FAM185A: variants seen among roughly 807,000 people sequenced by gnomAD.
FAM185A encodes protein FAM185A.
A neutral mutation model predicts 45.7 loss-of-function variants in FAM185A; 21 were observed. That is an observed-to-expected ratio of 0.46 (90% confidence interval 0.33 to 0.66). The LOEUF (loss-of-function observed/expected upper bound fraction) is 0.66. FAM185A is among the 30% of genes least tolerant of loss of function. FAM185A has a pLI of 0.03. For synonymous variants in FAM185A, 117 were observed against 194.0 expected (o/e 0.60, Z 3.30); for missense variants, 305 against 485.4 (o/e 0.63, Z 3.49).
chr7:102,834,032 TGAAGGAAGGAAG>T, the FAM185A span, among the ~76,000 whole-genome samples: 402 of 75,460 alleles, frequency 5.3e-3, 7 homozygotes, highest in African/African-American at 0.02. Flanking sequence ...GAAACCATGA[TGAAGGAAGGAAG>T]GAAGGAAGGA....
In FAM185A at chr7:102,808,273, G is replaced by A. The variant is rs1280446536; in HGVS notation, c.1067-17G>A. On this transcript the variant is annotated splice_polypyrimidine_tract_variant and intron_variant, in intron 7 of 7. Coordinates refer to ENST00000413034, the MANE Select transcript of FAM185A (RefSeq NM_001145268.2). ...ATTAATGCTCTTGATATAATTTTAT[G>A]CAATTTTGTGTTTTAGGACTCATGA... is the stretch of plus-strand genomic sequence containing the variant. 6 of 1,499,388 alleles carry A rather than the reference G, an allele frequency of 4.0e-6. No homozygotes were observed. The highest frequency in any genetic ancestry group is 4.9e-5 in the East Asian group (2 of 40,624). 92.9% of individuals were successfully genotyped at this position (1,499,388 alleles called of 1,614,324 possible).
chr7:102,798,979 G>A (rs10271003), intron 7 of FAM185A, among the ~76,000 whole-genome samples: 3,124 of 152,248 alleles, frequency 0.021, 113 homozygotes, highest in African/African-American at 0.071. Flanking sequence ...AACTCCTGAC[G>A]TCAGGTGATC....
chr7:102,757,338 G>C (rs1793811527), intron 2 of FAM185A, among the ~76,000 whole-genome samples: 1 of 152,192 alleles, frequency 6.6e-6, no homozygotes, highest in African/African-American at 2.4e-5. Flanking sequence ...CCCTGATAAA[G>C]TGATTTACCT....
At chr7:102,841,250 T>G in the FAM185A span, among the ~76,000 whole-genome samples, 1 of 134,718 alleles carries the variant, frequency 7.4e-6, no homozygotes, top group Non-Finnish European at 1.6e-5. Flanking sequence ...AATCTGACAG[T>G]TTTTTTTTTT....
chr7:102,838,087 G>T, the FAM185A span, among the ~76,000 whole-genome samples: 1 of 152,132 alleles, frequency 6.6e-6, no homozygotes, highest in Non-Finnish European at 1.5e-5. Context: ...CTTCTCACTC[G>T]GTTCAGTAAC....
chr7:102,760,509 AACC>A (rs1794046657), intron 3 of FAM185A, among the ~76,000 whole-genome samples: 1 of 152,000 alleles, frequency 6.6e-6, no homozygotes, highest in Non-Finnish European at 1.5e-5. Flanking sequence ...TAAAATTCAA[AACC>A]TATTCATGAT....
At chr7:102,819,736 A>T in the FAM185A span, among the ~76,000 whole-genome samples, 1 of 152,186 alleles carries the variant, frequency 6.6e-6, no homozygotes, top group Non-Finnish European at 1.5e-5. Context: ...TGTTTCACCC[A>T]GACAAATCAA....
the FAM185A span, among the ~76,000 whole-genome samples, chr7:102,848,682 AC>A: frequency 6.6e-6 from 1 of 151,182 alleles, no homozygotes; most frequent in Non-Finnish European, 1.5e-5. Context: ...AGAAATGCAA[AC>A]CAGATTAAGA....
intron 7 of FAM185A, among the ~76,000 whole-genome samples, chr7:102,795,201 A>T (rs1796375666): frequency 6.6e-6 from 1 of 152,242 alleles, no homozygotes. Context: ...TCTATAGTCC[A>T]GTTAATTTGC....
chr7:102,830,739 G>C, the FAM185A span, among the ~76,000 whole-genome samples: 1 of 152,152 alleles, frequency 6.6e-6, no homozygotes, highest in African/African-American at 2.4e-5. Flanking sequence ...GAGTTGGTGT[G>C]ATGCTGTAGT....
chr7:102,785,561 CA>C (rs1308042393), intron 6 of FAM185A, among the ~76,000 whole-genome samples: 9 of 150,932 alleles, frequency 6.0e-5, no homozygotes, highest in Non-Finnish European at 1.5e-5. Context: ...ACAAACCTGA[CA>C]AAAACAAGCA....
chr7:102,825,308 C>T, the FAM185A span, among the ~76,000 whole-genome samples: 1 of 152,122 alleles, frequency 6.6e-6, no homozygotes, highest in Admixed American at 6.5e-5. Flanking sequence ...GTGGATTAAC[C>T]TGTTATCATG....
chr7:102,844,188 C>A, the FAM185A span, among the ~76,000 whole-genome samples: 1 of 152,126 alleles, frequency 6.6e-6, no homozygotes, highest in Non-Finnish European at 1.5e-5. Context: ...GTTAGAGATA[C>A]TTTTTTATAA....
chr7:102,830,788 G>A, the FAM185A span, among the ~76,000 whole-genome samples: 4 of 152,148 alleles, frequency 2.6e-5, no homozygotes, highest in South Asian at 2.1e-4. Context: ...AAGAGAACAC[G>A]ATTGTTAATA....
chr7:102,776,708 A>AAAAAAG (rs1795088911), intron 5 of FAM185A, among the ~76,000 whole-genome samples: 1 of 151,258 alleles, frequency 6.6e-6, no homozygotes, highest in Non-Finnish European at 1.5e-5. Flanking sequence ...TCTCTAAAAA[A>AAAAAAG]AAAAAAAAAA....
intron 5 of FAM185A, 72 bp downstream of exon 5, chr7:102,772,522 AGAATAAAT>A (rs1364371233): frequency 1.1e-6 from 1 of 884,520 alleles, no homozygotes; most frequent in Admixed American, 3.4e-5. Flanking sequence ...TGACTTTATT[AGAATAAAT>A]GAATTCTACA....
downstream of FAM185A, among the ~76,000 whole-genome samples, chr7:102,811,491 G>A (rs1367184344): frequency 6.6e-6 from 1 of 152,110 alleles, no homozygotes; most frequent in Non-Finnish European, 1.5e-5. Context: ...TGTCTCCCCA[G>A]AATGAATGAA....
At chr7:102,822,302 A>T in the FAM185A span, 1 of 1,113,168 alleles carries the variant, frequency 9.0e-7, no homozygotes, top group Non-Finnish European at 1.4e-6. Context: ...ACTACCACAG[A>T]CTGTGGCTTA....
chr7:102,847,202 T>C, the FAM185A span, among the ~76,000 whole-genome samples: 2 of 150,716 alleles, frequency 1.3e-5, no homozygotes, highest in African/African-American at 4.9e-5. Flanking sequence ...TTCAAAACTT[T>C]ACAGGAAAAA....
Sources: allele counts gnomAD v4.1 joint callset (sites outside exome capture counted in the v4.1 genomes callset), GRCh38; gene constraint gnomAD v4.1.1; transcripts MANE v1.5; gene names NCBI Gene and HGNC (gene_info 2026-07-23, HGNC 2026-07-21).